Variants in MYOF observed in about 807,000 individuals in gnomAD.
MYOF encodes myoferlin.
In MYOF, 244 loss-of-function variants were observed where a neutral mutation model predicts 284.2. The observed-to-expected ratio is 0.86, with a 90% confidence interval of 0.77 to 0.95. The LOEUF (loss-of-function observed/expected upper bound fraction) is 0.95, where lower values mean the gene tolerates loss of function less well. MYOF is among the 40% of genes least tolerant of loss of function. The pLI, the probability that MYOF is intolerant of heterozygous loss-of-function variation, is 0.00. For synonymous variants in MYOF, 904 were observed against 919.7 expected (o/e 0.98, Z 0.31); for missense variants, 2,496 against 2,560.6 (o/e 0.97, Z 0.54).
intron 38 of MYOF, 119 bp from the exon 39 acceptor site, chr10:93,340,283 G>A: frequency 1.0e-6 from 1 of 970,606 alleles, no homozygotes; most frequent in Non-Finnish European, 1.6e-6. Context: ...ATTCATGCAT[G>A]CCTTATATTA....
chr10:93,358,503 T>C (rs1484128929), intron 29 of MYOF, among the ~76,000 whole-genome samples: 1 of 152,170 alleles, frequency 6.6e-6, no homozygotes, highest in Non-Finnish European at 1.5e-5. Flanking sequence ...TGCATGCATA[T>C]TTTCATTGCA....
At chr10:93,396,290 G>T in intron 15 of MYOF, 66 bp from the exon 16 acceptor site, 1 of 1,135,896 alleles carries the variant, frequency 8.8e-7, no homozygotes. Context: ...AGGAAGATAT[G>T]TCTTCATTTC....
intron 3 of MYOF, among the ~76,000 whole-genome samples, chr10:93,433,689 C>A (rs561710362): frequency 6.6e-6 from 1 of 152,270 alleles, no homozygotes; most frequent in South Asian, 2.1e-4. Flanking sequence ...CAGGAAAATT[C>A]ATCTTGTGGA....
chr10:93,426,071 C>T lies in MYOF; in HGVS notation c.433G>A (p.Gly145Arg). The T allele has an allele frequency of 1.3e-6, 2 of 1,553,552 alleles. No individual in the cohort carries two copies. The highest frequency in any genetic ancestry group is 1.7e-6 in the Non-Finnish European group (2 of 1,148,348). ...LSGPSVPGMG[G>R]DGEEDEGDED... Reference sequence around the variant, plus strand: ...TGGGCCTTCAGAAGGGTCAGCTTACCTCCCATGCCTGGCACGCTGGGCCCG... The same window carrying T: ...TGGGCCTTCAGAAGGGTCAGCTTACTTCCCATGCCTGGCACGCTGGGCCCG... The change falls in exon 5 of 54, where the codon GGA becomes AGA. Residue 145 changes from glycine (G) to arginine (R), a missense_variant and splice_region_variant. Gly to Arg is a moderately radical substitution (Grantham distance 125, BLOSUM62 -2). Transcript: ENST00000359263.
At chr10:93,432,139 G>A (rs1359323127) in intron 3 of MYOF, among the ~76,000 whole-genome samples, 1 of 152,124 alleles carries the variant, frequency 6.6e-6, no homozygotes, top group African/African-American at 2.4e-5. Flanking sequence ...TGAAATCCCA[G>A]CACTTTGGGA....
chr10:93,401,997 A>C (rs533445327), intron 11 of MYOF, among the ~76,000 whole-genome samples: 3 of 152,320 alleles, frequency 2.0e-5, no homozygotes, highest in African/African-American at 7.2e-5. Context: ...ACGTTGTAAA[A>C]ACACATTCAT....
intron 29 of MYOF, among the ~76,000 whole-genome samples, chr10:93,358,739 A>G (rs1844926471): frequency 6.6e-6 from 1 of 152,184 alleles, no homozygotes; most frequent in Non-Finnish European, 1.5e-5. Context: ...TACAGGTGGG[A>G]GCTGAACAAT....
At chr10:93,441,415 C>G (rs2056246913) in intron 3 of MYOF, among the ~76,000 whole-genome samples, 1 of 151,638 alleles carries the variant, frequency 6.6e-6, no homozygotes, top group Admixed American at 6.6e-5. Flanking sequence ...GACGGAGTCT[C>G]ACGCCGTTGC....
chr10:93,421,596 T>G (rs1848360036), intron 5 of MYOF, among the ~76,000 whole-genome samples: 1 of 152,202 alleles, frequency 6.6e-6, no homozygotes, highest in Admixed American at 6.5e-5. Flanking sequence ...TGGTGGCTTC[T>G]CCGCAGTAAT....
chr10:93,326,772 G>A (rs1437549478), intron 45 of MYOF, among the ~76,000 whole-genome samples: 2 of 150,970 alleles, frequency 1.3e-5, no homozygotes, highest in South Asian at 2.1e-4. Context: ...TTACAGGCAT[G>A]TGCCACCACA....
chr10:93,429,663 A>G (rs1254475902), intron 4 of MYOF, among the ~76,000 whole-genome samples: 1 of 152,202 alleles, frequency 6.6e-6, no homozygotes, highest in Non-Finnish European at 1.5e-5. Context: ...CCTTTCTCTC[A>G]TATGGCTGTT....
At chr10:93,318,860 C>G (rs1406091263) in intron 49 of MYOF, among the ~76,000 whole-genome samples, 4 of 152,108 alleles carry the variant, frequency 2.6e-5, no homozygotes, top group Non-Finnish European at 4.4e-5. Context: ...ACATTCTGAT[C>G]AGGTGTGGGG....
chr10:93,327,022 G>A (rs971121216), intron 45 of MYOF, among the ~76,000 whole-genome samples: 4 of 152,016 alleles, frequency 2.6e-5, no homozygotes, highest in South Asian at 2.1e-4. Flanking sequence ...ATCTGGAGAC[G>A]TAGTCAAACA....
At chr10:93,328,634 A>G in intron 45 of MYOF, 129 bp downstream of exon 45, 1 of 884,466 alleles carries the variant, frequency 1.1e-6, no homozygotes, top group Non-Finnish European at 1.7e-6. Context: ...GGCTGTTGTT[A>G]GTGTCACGTG....
In MYOF at chr10:93,316,804, A is replaced by T; in HGVS notation, c.5608T>A (p.Trp1870Arg). ...CGAAATTCCGTTTGGTCAATACTCC[A>T]GAAATGCTCCTAAAACAAAAAGAAA... is the stretch of plus-strand genomic sequence containing the variant. ...LCIVAKKEHF[W>R]SIDQTEFRIP... Residue 1870 changes from tryptophan to arginine, a missense_variant, in exon 50 of 54, where the codon TGG (tryptophan) becomes AGG (arginine). Physicochemically the swap from Trp to Arg is moderately radical, Grantham distance 101. Transcript: ENST00000359263. 6.2e-7 allele frequency: 1 copy of T among 1,613,128 alleles called. No homozygotes were observed. Among genetic ancestry groups the T allele is most frequent in the Non-Finnish European group, 8.5e-7 (1 of 1,179,182 alleles).
At chr10:93,326,272 G>A (rs1843044263) in intron 45 of MYOF, among the ~76,000 whole-genome samples, 1 of 152,218 alleles carries the variant, frequency 6.6e-6, no homozygotes, top group African/African-American at 2.4e-5. Flanking sequence ...CTGTTTCTCA[G>A]CCTCCCTTGC....
intron 26 of MYOF, among the ~76,000 whole-genome samples, chr10:93,364,979 C>T (rs1193279046): frequency 2.0e-5 from 3 of 152,154 alleles, no homozygotes; most frequent in Non-Finnish European, 4.4e-5. Flanking sequence ...ATGCTTTGAC[C>T]TTCTGCTTTT....
intron 4 of MYOF, among the ~76,000 whole-genome samples, chr10:93,429,284 G>A (rs1848731613): frequency 6.6e-6 from 1 of 152,116 alleles, no homozygotes. Context: ...AGCTTCCTGA[G>A]GCCTCACCAG....
At chr10:93,357,369 G>C (rs1054429830) in intron 29 of MYOF, among the ~76,000 whole-genome samples, 4 of 152,138 alleles carry the variant, frequency 2.6e-5, no homozygotes, top group African/African-American at 9.7e-5. Flanking sequence ...AATTCGTGTG[G>C]TACTTTTTAG....
Sources: allele counts gnomAD v4.1 joint callset (sites outside exome capture counted in the v4.1 genomes callset), GRCh38; gene constraint gnomAD v4.1.1; transcripts MANE v1.5; gene names NCBI Gene and HGNC (gene_info 2026-07-23, HGNC 2026-07-21).